The following OR9Q1 variants were observed in gnomAD, a reference collection of about 807,000 sequenced individuals.
OR9Q1 encodes olfactory receptor 9Q1.
For synonymous variants in OR9Q1, 153 were observed against 148.6 expected, an observed-to-expected ratio of 1.03 and a Z score of -0.22; for missense variants, 374 against 378.8, an observed-to-expected ratio of 0.99 and a Z score of 0.11.
intron 2 of OR9Q1, chr11:58,118,331 T>C: frequency 1.8e-6 from 1 of 563,828 alleles, no homozygotes; most frequent in South Asian, 2.7e-5. Context: ...GAACATGGAA[T>C]TGCTGGAAAC....
intron 2 of OR9Q1, among the ~76,000 whole-genome samples, chr11:58,136,001 C>T (rs1335534418): frequency 1.3e-5 from 2 of 152,182 alleles, no homozygotes; most frequent in African/African-American, 4.8e-5. Flanking sequence ...CAGATGGGGC[C>T]TATTAAATCC....
intron 2 of OR9Q1, among the ~76,000 whole-genome samples, chr11:58,070,479 G>A (rs1027886446): frequency 6.6e-6 from 1 of 152,058 alleles, no homozygotes. Flanking sequence ...ATCCTACCTT[G>A]AGGTCCCAAT....
At chr11:58,163,694 G>A (rs964009470) in intron 2 of OR9Q1, among the ~76,000 whole-genome samples, 8 of 152,300 alleles carry the variant, frequency 5.3e-5, no homozygotes, top group Admixed American at 3.3e-4. Context: ...GCTACAATGG[G>A]CCTTGCCTTT....
intron 2 of OR9Q1, among the ~76,000 whole-genome samples, chr11:58,137,349 T>C (rs1590609947): frequency 6.6e-6 from 1 of 152,012 alleles, no homozygotes; most frequent in African/African-American, 2.4e-5. Context: ...CCTCCGGGGG[T>C]GCAGGCTCCC....
At chr11:58,039,445 T>TA (rs1853138574) in intron 1 of OR9Q1, among the ~76,000 whole-genome samples, 2 of 152,250 alleles carry the variant, frequency 1.3e-5, no homozygotes, top group Non-Finnish European at 2.9e-5. Flanking sequence ...GTTGCCTTGA[T>TA]ACGTTGAGAT....
intron 2 of OR9Q1, among the ~76,000 whole-genome samples, chr11:58,059,190 C>T (rs1853355053): frequency 6.6e-6 from 1 of 152,122 alleles, no homozygotes; most frequent in Non-Finnish European, 1.5e-5. Context: ...CTAAAGAATG[C>T]CAACATATCT....
At chr11:58,134,759 G>A (rs1854175289) in intron 2 of OR9Q1, among the ~76,000 whole-genome samples, 1 of 152,078 alleles carries the variant, frequency 6.6e-6, no homozygotes. Context: ...CTTGGTAAGG[G>A]ATTTTGTGGT....
At chr11:58,152,995 G>A (rs1421484111) in intron 2 of OR9Q1, among the ~76,000 whole-genome samples, 1 of 152,186 alleles carries the variant, frequency 6.6e-6, no homozygotes, top group Admixed American at 6.5e-5. Context: ...TGATGCTGGT[G>A]CCTGGCACAG....
intron 2 of OR9Q1, among the ~76,000 whole-genome samples, chr11:58,146,153 C>T (rs1290324286): frequency 3.3e-5 from 5 of 152,176 alleles, no homozygotes; most frequent in Non-Finnish European, 5.9e-5. Context: ...TAATATTTCT[C>T]GATCACCAAA....
chr11:58,031,118 C>T (rs369989982), intron 1 of OR9Q1: 60 of 1,614,190 alleles, frequency 3.7e-5, no homozygotes, highest in Middle Eastern at 3.3e-4. Context: ...TTTGGACCAC[C>T]GACTACGGAG....
At chr11:58,072,988 T>G in intron 2 of OR9Q1, 1 of 205,216 alleles carries the variant, frequency 4.9e-6, no homozygotes, top group Admixed American at 4.6e-5. Context: ...TTTGCCCTAA[T>G]GTTTTCATCT....
In OR9Q1 at chr11:58,181,549, T is replaced by C. The variant is rs72923634; in HGVS notation, c.*1172T>C. Reference sequence around the variant, plus strand: ...TACCTGGAACTCAAACTTCTTTTCCTGTCTCCTGGATTACTAAAAAAAAAA... The same window carrying C: ...TACCTGGAACTCAAACTTCTTTTCCCGTCTCCTGGATTACTAAAAAAAAAA... On this transcript the variant is annotated 3_prime_UTR_variant, in exon 3 of 3. Transcript: ENST00000335397. 1,803 of 158,768 alleles carry C rather than the reference T, an allele frequency of 0.011. 17 individuals carry two copies. Among genetic ancestry groups the C allele is most frequent in the Middle Eastern group, 0.025 (7 of 284 alleles). The allele number at this position is 158,768 out of a possible 1,614,324, so 9.8% of individuals were successfully genotyped here. A position where few individuals can be genotyped will look rare whatever the true frequency, so the allele number is the denominator to read the frequency against.
intron 2 of OR9Q1, among the ~76,000 whole-genome samples, chr11:58,142,848 C>T (rs939582101): frequency 6.6e-6 from 1 of 152,046 alleles, no homozygotes; most frequent in African/African-American, 2.4e-5. Flanking sequence ...TAGCTTGATT[C>T]ATGTATCTCA....
At chr11:58,129,910 G>A (rs924183780) in intron 2 of OR9Q1, among the ~76,000 whole-genome samples, 1 of 151,674 alleles carries the variant, frequency 6.6e-6, no homozygotes, top group African/African-American at 2.4e-5. Context: ...TATAAATACA[G>A]GTGAGTTTAT....
intron 2 of OR9Q1, among the ~76,000 whole-genome samples, chr11:58,119,654 G>C (rs1854006671): frequency 6.6e-6 from 1 of 152,136 alleles, no homozygotes; most frequent in Non-Finnish European, 1.5e-5. Context: ...TGGTATTTCT[G>C]ATTCAAACTA....
In OR9Q1 at chr11:58,048,793, T is replaced by C. The variant is rs563297255; in HGVS notation, c.-92-7077T>C. Among the ~76,000 whole-genome samples the C allele has an allele frequency of 2.7e-4, 35 of 130,812 alleles. 1 individual carries two copies. Among genetic ancestry groups the C allele is most frequent in the Admixed American group, 4.8e-4 (6 of 12,378 alleles). 85.8% of individuals were successfully genotyped at this position (130,812 alleles called of 152,430 possible). On this transcript the variant is annotated intron_variant, in intron 1 of 2. Coordinates refer to ENST00000335397, the MANE Select transcript of OR9Q1 (RefSeq NM_001005212.4). ...CCACCGATCCCACAGAAATACAAAC[T>C]GCCATCAGAGAATACTACAAACACC...
chr11:58,160,606 T>C (rs1854448187), intron 2 of OR9Q1, among the ~76,000 whole-genome samples: 1 of 152,172 alleles, frequency 6.6e-6, no homozygotes, highest in African/African-American at 2.4e-5. Context: ...ACCATAGTCA[T>C]GTGCCACCAT....
At chr11:58,139,928 C>A (rs942127949) in intron 2 of OR9Q1, among the ~76,000 whole-genome samples, 2 of 151,758 alleles carry the variant, frequency 1.3e-5, no homozygotes, top group African/African-American at 4.8e-5. Flanking sequence ...TATTTCTCCA[C>A]ATCCTCTCCA....
intron 2 of OR9Q1, among the ~76,000 whole-genome samples, chr11:58,057,364 C>T (rs1432872584): frequency 6.6e-6 from 1 of 152,050 alleles, no homozygotes; most frequent in South Asian, 2.1e-4. Flanking sequence ...GATGACTAGG[C>T]CAAGCACTCA....
Sources: allele counts gnomAD v4.1 joint callset (sites outside exome capture counted in the v4.1 genomes callset), GRCh38; gene constraint gnomAD v4.1.1; transcripts MANE v1.5; gene names NCBI Gene and HGNC (gene_info 2026-07-23, HGNC 2026-07-21).